SLC2A9: variants seen among roughly 807,000 people sequenced by gnomAD.
The protein encoded by SLC2A9 is solute carrier family 2 member 9.
Under a neutral mutation model 50.6 loss-of-function variants are expected in SLC2A9, and 39 were observed. The ratio of observed to expected loss-of-function variants is 0.77; its 90% CI spans 0.60 to 1.01. The LOEUF is 1.01. SLC2A9 is among the 50% of genes least tolerant of loss of function. The probability of loss-of-function intolerance (pLI) is 0.00; values close to 1 mark genes in which losing one functional copy is unlikely to be tolerated. For missense variants in SLC2A9, 686 were observed against 677.6 expected (o/e 1.01, Z -0.14); for synonymous variants, 324 against 276.9 (o/e 1.17, Z -1.69).
chr4:9,802,734 T>C (rs1231965114), intron 3 of SLC2A9, among the ~76,000 whole-genome samples: 1 of 152,008 alleles, frequency 6.6e-6, no homozygotes, highest in African/African-American at 2.4e-5. Context: ...AATTTTGTTT[T>C]GTATTTTTAG....
chr4:10,032,231 C>T lies in SLC2A9; in HGVS notation c.-40-6225G>A, dbSNP rs140276186. Among the ~76,000 whole-genome samples, 519 of 152,210 alleles carry T rather than the reference C, an allele frequency of 3.4e-3. 5 individuals are homozygous for T. Among genetic ancestry groups the T allele is most frequent in the African/African-American group, 0.012 (494 of 41,540 alleles). ...TGTAAGGTGATGAGAGAGGCAATATCAGGAAATTCTGATGTGATGGGAGGA... is the reference window on the plus strand; with the variant it reads ...TGTAAGGTGATGAGAGAGGCAATATTAGGAAATTCTGATGTGATGGGAGGA... On this transcript the variant is annotated intron_variant, in intron 1 of 12. Transcript: ENST00000309065.
chr4:9,865,619 G>A (rs1732317472), intron 10 of SLC2A9, among the ~76,000 whole-genome samples: 1 of 152,182 alleles, frequency 6.6e-6, no homozygotes, highest in Admixed American at 6.5e-5. Context: ...AGTTCTTCTT[G>A]CATAATAGCT....
At chr4:9,772,012 TG>T (rs1206387814) in intron 1 of SLC2A9, among the ~76,000 whole-genome samples, 1 of 152,186 alleles carries the variant, frequency 6.6e-6, no homozygotes, top group African/African-American at 2.4e-5. Flanking sequence ...ACTGAGGAGC[TG>T]GGAATTAGTG....
intron 7 of SLC2A9, 61 bp from the exon 8 acceptor site, chr4:9,908,406 T>A: frequency 7.9e-7 from 1 of 1,259,048 alleles, no homozygotes; most frequent in Non-Finnish European, 1.2e-6. Flanking sequence ...ATCTATTTTC[T>A]AAATCAAATT....
chr4:9,823,356 G>A (rs1724669569), downstream of SLC2A9, among the ~76,000 whole-genome samples: 1 of 152,174 alleles, frequency 6.6e-6, no homozygotes, highest in African/African-American at 2.4e-5. Context: ...ACCAGAGCCT[G>A]TGAAGCAAAG....
intron 10 of SLC2A9, among the ~76,000 whole-genome samples, chr4:9,873,849 G>A (rs774715862): frequency 7.2e-5 from 11 of 152,266 alleles, no homozygotes; most frequent in Non-Finnish European, 1.3e-4. Flanking sequence ...ATAGCTAACC[G>A]ATACAAATTC....
At chr4:9,891,732 A>G (rs1423506052) in intron 8 of SLC2A9, among the ~76,000 whole-genome samples, 1 of 152,220 alleles carries the variant, frequency 6.6e-6, no homozygotes, top group Non-Finnish European at 1.5e-5. Context: ...TTTCTCAATG[A>G]GGCAATCAGG....
In SLC2A9 at chr4:9,996,851, C is replaced by T. The variant is rs1398065085; in HGVS notation, c.340G>A (p.Val114Met). 6.2e-7 allele frequency: 1 copy of T among 1,614,212 alleles called. No individual in the cohort carries two copies. The highest frequency in any genetic ancestry group is 1.7e-5 in the Admixed American group (1 of 60,034). Residue 114 changes from valine to methionine, a missense_variant, in exon 3 of 12, where the codon GTG (valine) becomes ATG (methionine). Coordinates refer to ENST00000264784, the MANE Select transcript of SLC2A9 (RefSeq NM_020041.3). ...DTLTLLWSVTVSIFAIGGLVG... is the reference protein window; with the variant it reads ...DTLTLLWSVTMSIFAIGGLVG... ...AGTCCACCGATGGCGAATATGGACA[C>T]AGTCACAGACCAGAGCAAAGTCAGA...
intron 10 of SLC2A9, among the ~76,000 whole-genome samples, chr4:9,843,862 C>T (rs977882952): frequency 2.0e-5 from 3 of 152,166 alleles, no homozygotes; most frequent in African/African-American, 7.2e-5. Context: ...CACTGAGCCA[C>T]ACTTGTTGAC....
At chr4:10,025,383 C>G (rs1208697884), upstream of SLC2A9, among the ~76,000 whole-genome samples, 1 of 152,110 alleles carries the variant, frequency 6.6e-6, no homozygotes, top group African/African-American at 2.4e-5. Flanking sequence ...AAGAGTCTCT[C>G]TTTAAATGAG....
At chr4:9,790,863 C>T (rs1719829753) in intron 3 of SLC2A9, among the ~76,000 whole-genome samples, 1 of 152,182 alleles carries the variant, frequency 6.6e-6, no homozygotes, top group Non-Finnish European at 1.5e-5. Flanking sequence ...AATTTATCTG[C>T]CTTGATCCTG....
In SLC2A9 at chr4:9,817,148, G is replaced by T. The variant is rs553844960; in HGVS notation, n.420+9272C>A. Among the ~76,000 whole-genome samples the T allele has an allele frequency of 7.2e-5, 11 of 151,958 alleles. No homozygotes were observed. The South Asian group carries it at 8.3e-4, about 11-fold the overall frequency. On this transcript the variant is annotated intron_variant and non_coding_transcript_variant, in intron 3 of 3. Transcript: ENST00000503280. ...CCACCTCCCTTTTATAAGGACCTTT[G>T]TGTCCTTATGAGGACATTGGGTTTA... is the stretch of plus-strand genomic sequence containing the variant.
chr4:9,805,950 C>A (rs139729941), intron 3 of SLC2A9, among the ~76,000 whole-genome samples: 2 of 152,178 alleles, frequency 1.3e-5, no homozygotes, highest in African/African-American at 2.4e-5. Context: ...GGTTAAGTAA[C>A]CTGACCAGAG....
At chr4:9,933,418 T>C (rs1261530471) in intron 6 of SLC2A9, among the ~76,000 whole-genome samples, 1 of 152,082 alleles carries the variant, frequency 6.6e-6, no homozygotes, top group Non-Finnish European at 1.5e-5. Context: ...TCTGCCCAAC[T>C]CCTTTTGCTC....
At chr4:9,824,948 G>A (rs555604613), downstream of SLC2A9, among the ~76,000 whole-genome samples, 6 of 152,234 alleles carry the variant, frequency 3.9e-5, no homozygotes, top group South Asian at 4.1e-4. Flanking sequence ...TTAACCAAAG[G>A]AGTGGCCCAG....
chr4:9,813,778 G>GAGA, intron 3 of SLC2A9, among the ~76,000 whole-genome samples: 1 of 151,958 alleles, frequency 6.6e-6, no homozygotes, highest in South Asian at 2.1e-4. Context: ...AATTCTAGAG[G>GAGA]CAAGGGTGCC....
At chr4:10,005,982 T>C (rs565158000) in intron 2 of SLC2A9, among the ~76,000 whole-genome samples, 48 of 152,300 alleles carry the variant, frequency 3.2e-4, no homozygotes, top group Admixed American at 2.7e-3. Flanking sequence ...AGAATGAAGA[T>C]ACAGCACAGT....
intron 2 of SLC2A9, among the ~76,000 whole-genome samples, chr4:10,007,957 A>G (rs369172695): frequency 1.1e-4 from 17 of 152,344 alleles, no homozygotes; most frequent in African/African-American, 3.6e-4. Context: ...CAGGTGCTCA[A>G]TAAATTTCAG....
intron 2 of SLC2A9, among the ~76,000 whole-genome samples, chr4:10,008,439 A>C (rs944331667): frequency 2.6e-5 from 4 of 152,200 alleles, no homozygotes; most frequent in Admixed American, 2.6e-4. Context: ...CCCAATTTAA[A>C]CAATGCAGCA....
Sources: gnomAD v4.1 joint callset for allele counts (sites outside exome capture counted in the v4.1 genomes callset) on GRCh38, gnomAD v4.1.1 for gene constraint, MANE v1.5 for transcripts, NCBI Gene and HGNC (gene_info 2026-07-23, HGNC 2026-07-21) for gene names.